GSE1: variants seen among roughly 807,000 people sequenced by gnomAD.
GSE1 encodes the protein genetic suppressor element 1.
A neutral mutation model predicts 112.6 loss-of-function variants in GSE1; 32 were observed. That is an observed-to-expected ratio of 0.28 (90% CI 0.21 to 0.38). GSE1 has a LOEUF of 0.38. Among genes scored for constraint, GSE1 ranks in the 10% least tolerant of loss-of-function variants. GSE1 has a pLI of 1.00. For synonymous variants in GSE1, 1,115 were observed against 735.6 expected, an observed-to-expected ratio of 1.52 and a Z score of -8.35; for missense variants, 2,348 against 1,699.2, an observed-to-expected ratio of 1.38 and a Z score of -6.71.
At chr16:85,171,717 C>T in exon 1 of GSE1, 1 of 985,654 alleles carries the variant, frequency 1.0e-6, no homozygotes, top group Non-Finnish European at 1.2e-6. Context: ...TCGGTGCTTG[C>T]GTGGAGTGTG....
chr16:85,657,592 A>G lies in GSE1; in HGVS notation c.1628A>G (p.Glu543Gly), dbSNP rs746010265. Residue 543 changes from glutamate (E) to glycine (G), a missense_variant, in exon 8 of 16, where the codon GAG (glutamate) becomes GGG (glycine). Coordinates refer to ENST00000253458, the MANE Select transcript of GSE1 (RefSeq NM_014615.5). ...PVPAEAEHRP[E>G]STTRPGPNRH... is the part of the protein sequence containing the mutation. ...CCGGCGGAGGCAGAGCACAGGCCGG[A>G]GAGCACCACCAGGTGAGTGAGCCCC... is the stretch of plus-strand genomic sequence containing the variant. 50 of 1,534,880 alleles carry G rather than the reference A, an allele frequency of 3.3e-5. No individual in the cohort carries two copies. The Middle Eastern group carries it at 7.0e-4, about 21-fold the overall frequency.
chr16:85,415,710 C>T (rs974545565), intron 2 of GSE1, among the ~76,000 whole-genome samples: 4 of 152,252 alleles, frequency 2.6e-5, no homozygotes, highest in Non-Finnish European at 5.9e-5. Flanking sequence ...AGGCGCAGCC[C>T]GGGTCGGCCT....
chr16:85,549,946 T>C (rs1406292221), intron 2 of GSE1, among the ~76,000 whole-genome samples: 1 of 152,130 alleles, frequency 6.6e-6, no homozygotes, highest in African/African-American at 2.4e-5. Flanking sequence ...AAAGCAGGCA[T>C]TGTGGAGCCC....
At chr16:85,383,491 C>G (rs2047607542) in intron 2 of GSE1, among the ~76,000 whole-genome samples, 1 of 94,878 alleles carries the variant, frequency 1.1e-5, no homozygotes, top group South Asian at 3.8e-4. Context: ...ACACGCAGAG[C>G]TCCCAGCACA....
chr16:85,200,462 C>T (rs1202999931), intron 1 of GSE1, among the ~76,000 whole-genome samples: 1 of 151,976 alleles, frequency 6.6e-6, no homozygotes, highest in African/African-American at 2.4e-5. Flanking sequence ...TGGTTTCCCC[C>T]ACGTCACACA....
chr16:85,181,077 T>C (rs2074573344), intron 1 of GSE1, among the ~76,000 whole-genome samples: 2 of 152,208 alleles, frequency 1.3e-5, no homozygotes, highest in Non-Finnish European at 2.9e-5. Flanking sequence ...AGCCGGTGAA[T>C]GCCGGGCCAT....
chr16:85,392,217 A>C (rs1373536575), intron 2 of GSE1, among the ~76,000 whole-genome samples: 1 of 152,216 alleles, frequency 6.6e-6, no homozygotes, highest in African/African-American at 2.4e-5. Flanking sequence ...CACACACAGC[A>C]TTGATTCTGC....
At chr16:85,562,728 G>A (rs1786276992) in intron 1 of GSE1, among the ~76,000 whole-genome samples, 1 of 152,204 alleles carries the variant, frequency 6.6e-6, no homozygotes, top group Admixed American at 6.5e-5. Flanking sequence ...CGTGTTGGGG[G>A]GAGCGGTCCC....
intron 2 of GSE1, among the ~76,000 whole-genome samples, chr16:85,644,047 G>C (rs1259344243): frequency 6.6e-6 from 1 of 152,180 alleles, no homozygotes; most frequent in Non-Finnish European, 1.5e-5. Flanking sequence ...AGGGTGGTGG[G>C]GCAGGCACCG....
At chr16:85,637,501 C>A (rs886835872) in intron 2 of GSE1, among the ~76,000 whole-genome samples, 1 of 151,632 alleles carries the variant, frequency 6.6e-6, no homozygotes, top group African/African-American at 2.4e-5. Flanking sequence ...ATCGAGTCCC[C>A]CCTTGATCGC....
chr16:85,397,931 A>G (rs999037437), intron 2 of GSE1, among the ~76,000 whole-genome samples: 1 of 142,876 alleles, frequency 7.0e-6, no homozygotes, highest in Non-Finnish European at 1.5e-5. Flanking sequence ...GAGTCACAAA[A>G]TCCTGGGGCC....
At chr16:85,501,619 C>T (rs996862843) in intron 2 of GSE1, among the ~76,000 whole-genome samples, 10 of 151,984 alleles carry the variant, frequency 6.6e-5, no homozygotes, top group African/African-American at 2.4e-4. Flanking sequence ...GGTCTCGAAC[C>T]CCTGGCCTCG....
chr16:85,657,871 G>A (rs751605267), intron 8 of GSE1, among the ~76,000 whole-genome samples: 28 of 152,198 alleles, frequency 1.8e-4, no homozygotes, highest in Non-Finnish European at 2.9e-4. Context: ...CACTGCACAC[G>A]CAGCCTGACC....
At chr16:85,519,737 C>CTGTCAT (rs2052114468) in intron 2 of GSE1, among the ~76,000 whole-genome samples, 2 of 77,004 alleles carry the variant, frequency 2.6e-5, no homozygotes, top group Admixed American at 2.7e-4. Flanking sequence ...ATCACCATCA[C>CTGTCAT]CACCATCAGC....
intron 2 of GSE1, among the ~76,000 whole-genome samples, chr16:85,494,867 G>C (rs1195276448): frequency 6.6e-6 from 1 of 152,256 alleles, no homozygotes; most frequent in Non-Finnish European, 1.5e-5. Context: ...AGGTGCCTCT[G>C]TGGCAGCCCC....
rs116331256 is a variant in GSE1, at chr16:85,359,327, G to A, written c.2464+1684G>A. ...GGAGGCAGCTTGCCTGGTTCTCACC[G>A]TTTCTCTCCCACAGCTTTGGGCAGA... is the stretch of plus-strand genomic sequence containing the variant. On this transcript the variant is annotated intron_variant, in intron 2 of 2. Transcript: ENST00000637419. 1,288 of 452,730 alleles carry A rather than the reference G, an allele frequency of 2.8e-3. 16 individuals carry two copies. The highest frequency in any genetic ancestry group is 0.023 in the African/African-American group (1,141 of 50,076). 28.0% of individuals were successfully genotyped at this position (452,730 alleles called of 1,614,324 possible).
rs368619193 is a variant in GSE1, at chr16:85,483,727, C to G, written c.2464+126084C>G. Among the ~76,000 whole-genome samples the G allele has an allele frequency of 6.6e-5, 10 of 152,380 alleles. No homozygotes were observed. The East Asian group carries it at 1.7e-3, about 26-fold the overall frequency. ...TTAATTGACTTTGAGCGAGGGAGCCCGTCCCCGTGTAAACCTAGCAGCAGG... is the reference window on the plus strand; with the variant it reads ...TTAATTGACTTTGAGCGAGGGAGCCGGTCCCCGTGTAAACCTAGCAGCAGG... On this transcript the variant is annotated intron_variant, in intron 2 of 2. Coordinates refer to the GSE1 transcript ENST00000637419.
At chr16:85,342,806 C>T (rs1278275462) in intron 1 of GSE1, among the ~76,000 whole-genome samples, 7 of 151,794 alleles carry the variant, frequency 4.6e-5, no homozygotes, top group African/African-American at 1.7e-4. Context: ...GCACTGTGCT[C>T]CACAGGTGCC....
chr16:85,539,095 G>T (rs987140831), intron 2 of GSE1, among the ~76,000 whole-genome samples: 1 of 152,232 alleles, frequency 6.6e-6, no homozygotes, highest in Non-Finnish European at 1.5e-5. Flanking sequence ...GCCCACTCCT[G>T]TAAGTGTCTT....
Sources: allele counts gnomAD v4.1 joint callset (sites outside exome capture counted in the v4.1 genomes callset), GRCh38; gene constraint gnomAD v4.1.1; transcripts MANE v1.5; gene names NCBI Gene and HGNC (gene_info 2026-07-23, HGNC 2026-07-21).